PCDH15: variants seen among roughly 807,000 people sequenced by gnomAD.
The protein encoded by PCDH15 is protocadherin related 15, also known as protocadherin-15.
A neutral mutation model predicts 178.5 loss-of-function variants in PCDH15; 129 were observed. That is an observed-to-expected ratio of 0.72 (90% CI 0.63 to 0.84). The LOEUF is 0.84. Ranked by LOEUF, PCDH15 falls within the 40% of genes least tolerant of loss-of-function variation. PCDH15 has a pLI of 0.00. For synonymous variants in PCDH15, 800 were observed against 732.0 expected, an observed-to-expected ratio of 1.09 and a Z score of -1.50; for missense variants, 2,230 against 2,099.9, an observed-to-expected ratio of 1.06 and a Z score of -1.21.
In PCDH15 at chr10:55,133,190, A is replaced by C. The variant is rs187580142; in HGVS notation, c.-80+33386T>G. The stretch of plus-strand genomic sequence containing the variant: ...GTTATTAAAAATATTAAATGAAGTA[A>C]TATATAGAAAAGCTGGCTCTGATCA... On this transcript the variant is annotated intron_variant, in intron 2 of 5. Transcript: ENST00000458638. Among the ~76,000 whole-genome samples, 564 of 152,260 alleles carry C rather than the reference A, an allele frequency of 3.7e-3. 6 individuals carry two copies. Among genetic ancestry groups the C allele is most frequent in the African/African-American group, 0.013 (530 of 41,560 alleles).
intron 3 of PCDH15, among the ~76,000 whole-genome samples, chr10:54,826,194 C>A (rs1358440496): frequency 6.6e-6 from 1 of 151,774 alleles, no homozygotes; most frequent in Admixed American, 6.6e-5. Context: ...TGGTAAAAAG[C>A]CTAATTTTCT....
chr10:54,123,379 C>T (rs1443943361), intron 15 of PCDH15, among the ~76,000 whole-genome samples: 1 of 151,958 alleles, frequency 6.6e-6, no homozygotes, highest in Non-Finnish European at 1.5e-5. Context: ...AGGCACTTCT[C>T]AACAGAAAGG....
chr10:55,258,245 G>C (rs1045054259), intron 1 of PCDH15, among the ~76,000 whole-genome samples: 1 of 152,130 alleles, frequency 6.6e-6, no homozygotes, highest in African/African-American at 2.4e-5. Flanking sequence ...AAGACAAATG[G>C]AGATTACTGA....
chr10:54,284,915 A>C (rs937070129), intron 8 of PCDH15, among the ~76,000 whole-genome samples: 2 of 152,232 alleles, frequency 1.3e-5, no homozygotes, highest in African/African-American at 4.8e-5. Flanking sequence ...ATTTTAGTCT[A>C]GTCCAAAAGC....
intron 2 of PCDH15, among the ~76,000 whole-genome samples, chr10:54,616,046 T>A (rs116814638): frequency 1.3e-5 from 2 of 152,052 alleles, no homozygotes; most frequent in Admixed American, 6.6e-5. Context: ...ATTATCTCAT[T>A]TTTTTGAGTA....
chr10:54,698,606 T>C (rs967874896), intron 1 of PCDH15, among the ~76,000 whole-genome samples: 1 of 152,170 alleles, frequency 6.6e-6, no homozygotes, highest in Non-Finnish European at 1.5e-5. Context: ...CTACATCATT[T>C]CAAAACTATA....
chr10:53,897,145 G>C (rs531645536), intron 26 of PCDH15, among the ~76,000 whole-genome samples: 5 of 151,830 alleles, frequency 3.3e-5, no homozygotes, highest in African/African-American at 1.2e-4. Context: ...CCTAGAGAAG[G>C]AGGACTCAGA....
At chr10:55,364,187 ATGATTGTAAGTTTCC>A (rs1187548143) in intron 2 of PCDH15, among the ~76,000 whole-genome samples, 1 of 152,032 alleles carries the variant, frequency 6.6e-6, no homozygotes, top group Non-Finnish European at 1.5e-5. Context: ...CCCTTCTGCC[ATGATTGTAAGTTTCC>A]TGAGGCCTCC....
At chr10:54,631,705 A>G (rs1321040616) in intron 2 of PCDH15, among the ~76,000 whole-genome samples, 2 of 152,152 alleles carry the variant, frequency 1.3e-5, no homozygotes, top group Non-Finnish European at 2.9e-5. Context: ...TAAATGAAAA[A>G]GGTTTAATTA....
chr10:54,804,372 A>G (rs73268238), upstream of PCDH15, among the ~76,000 whole-genome samples: 557 of 152,324 alleles, frequency 3.7e-3, 1 homozygote, highest in African/African-American at 0.013. Context: ...GACAAATAGT[A>G]TACATTCCCT....
intron 2 of PCDH15, among the ~76,000 whole-genome samples, chr10:55,349,668 C>T (rs1014948308): frequency 2.6e-5 from 4 of 151,948 alleles, no homozygotes; most frequent in African/African-American, 9.7e-5. Context: ...AGAACATTTG[C>T]TGTAAATACG....
intron 2 of PCDH15, among the ~76,000 whole-genome samples, chr10:55,493,373 T>C (rs1423536629): frequency 2.0e-5 from 3 of 151,368 alleles, no homozygotes; most frequent in Non-Finnish European, 4.4e-5. Flanking sequence ...CAGGGTAACA[T>C]GGTGAAAACT....
chr10:53,962,085 T>TC (rs397948945), intron 21 of PCDH15, among the ~76,000 whole-genome samples, 193 bp from the exon 22 acceptor site: 1 of 15,800 alleles, frequency 6.3e-5, no homozygotes, highest in East Asian at 0.011. Flanking sequence ...ATCAATGAAG[T>TC]ATCTCTACTA....
chr10:53,965,440 T>C (rs1178077076), intron 21 of PCDH15, among the ~76,000 whole-genome samples: 1 of 152,182 alleles, frequency 6.6e-6, no homozygotes, highest in Non-Finnish European at 1.5e-5. Flanking sequence ...AATGCCAAAG[T>C]TATTAATTGA....
chr10:54,781,772 C>A (rs938978509), intron 1 of PCDH15, among the ~76,000 whole-genome samples: 2 of 152,118 alleles, frequency 1.3e-5, no homozygotes, highest in African/African-American at 2.4e-5. Context: ...CAATTTGCTT[C>A]CTCTAAACAC....
intron 3 of PCDH15, among the ~76,000 whole-genome samples, chr10:54,807,987 A>G (rs1365731248): frequency 6.6e-6 from 1 of 151,958 alleles, no homozygotes; most frequent in Non-Finnish European, 1.5e-5. Context: ...TTTAAAATTT[A>G]TATAAATTTT....
At chr10:55,434,155 A>C (rs1389003363) in intron 2 of PCDH15, among the ~76,000 whole-genome samples, 1 of 123,496 alleles carries the variant, frequency 8.1e-6, no homozygotes, top group East Asian at 2.5e-4. Flanking sequence ...CTCTAGGCTC[A>C]CTGCAAGCTC....
At chr10:55,225,230 A>G (rs575196732) in intron 1 of PCDH15, among the ~76,000 whole-genome samples, 1 of 152,156 alleles carries the variant, frequency 6.6e-6, no homozygotes, top group South Asian at 2.1e-4. Context: ...AATTTCCCCA[A>G]CTGATAGATG....
chr10:55,593,626 A>G (rs1842885891), intron 2 of PCDH15, among the ~76,000 whole-genome samples: 1 of 151,844 alleles, frequency 6.6e-6, no homozygotes. Flanking sequence ...AAGATTAATT[A>G]CTGTTTTAGC....
Sources: gnomAD v4.1 joint callset for allele counts (sites outside exome capture counted in the v4.1 genomes callset) on GRCh38, gnomAD v4.1.1 for gene constraint, MANE v1.5 for transcripts, NCBI Gene and HGNC (gene_info 2026-07-23, HGNC 2026-07-21) for gene names.